Variants in MYRIP observed in about 807,000 individuals in gnomAD.
MYRIP encodes myosin VIIA and Rab interacting protein, also known as rab effector MyRIP.
In MYRIP, 49 loss-of-function variants were observed where a neutral mutation model predicts 98.0. The observed-to-expected ratio is 0.50, with a 90% CI of 0.40 to 0.63. The LOEUF is 0.63. MYRIP is among the 30% of genes least tolerant of loss of function. The probability of loss-of-function intolerance (pLI) is 0.00; values close to 1 mark genes in which losing one functional copy is unlikely to be tolerated. For synonymous variants in MYRIP, 404 were observed against 409.5 expected (o/e 0.99, Z 0.16); for missense variants, 1,004 against 1,058.2 (o/e 0.95, Z 0.71).
intron 3 of MYRIP, chr3:40,071,325 T>G: frequency 2.5e-6 from 1 of 401,132 alleles, no homozygotes; most frequent in Non-Finnish European, 3.4e-6. Context: ...TGGTTGGTGG[T>G]TGGGACGGAT....
chr3:39,850,869 A>C (rs1406555011), intron 1 of MYRIP, among the ~76,000 whole-genome samples: 2 of 152,340 alleles, frequency 1.3e-5, no homozygotes, highest in Admixed American at 1.3e-4. Flanking sequence ...ACTGAAAGGG[A>C]AATTCTCAGT....
At chr3:40,175,720 C>T (rs943552846) in intron 8 of MYRIP, among the ~76,000 whole-genome samples, 2 of 152,270 alleles carry the variant, frequency 1.3e-5, no homozygotes, top group Non-Finnish European at 2.9e-5. Flanking sequence ...GGCTAAGCCA[C>T]TCCTTTACCT....
chr3:40,227,830 C>T (rs1241019939), intron 11 of MYRIP, among the ~76,000 whole-genome samples: 1 of 152,166 alleles, frequency 6.6e-6, no homozygotes, highest in African/African-American at 2.4e-5. Context: ...GGGTGGACAC[C>T]TGACACATGC....
At chr3:40,061,753 T>C (rs1948021367) in intron 3 of MYRIP, among the ~76,000 whole-genome samples, 1 of 152,080 alleles carries the variant, frequency 6.6e-6, no homozygotes, top group Admixed American at 6.6e-5. Flanking sequence ...TCTGTTGGGT[T>C]GTTTTTTGTT....
chr3:40,236,361 T>A (rs1952824453), intron 12 of MYRIP, among the ~76,000 whole-genome samples: 1 of 152,216 alleles, frequency 6.6e-6, no homozygotes, highest in Admixed American at 6.5e-5. Flanking sequence ...GACTTTGTAA[T>A]TTCCCCCTTC....
chr3:39,906,002 G>T (rs573620697), intron 2 of MYRIP, among the ~76,000 whole-genome samples: 1 of 152,050 alleles, frequency 6.6e-6, no homozygotes, highest in Non-Finnish European at 1.5e-5. Flanking sequence ...CCTGGGGAGC[G>T]TGCAGAGGTG....
intron 3 of MYRIP, among the ~76,000 whole-genome samples, chr3:40,062,083 G>A (rs1948029945): frequency 6.6e-6 from 1 of 152,168 alleles, no homozygotes; most frequent in South Asian, 2.1e-4. Flanking sequence ...TTGCTGTGCA[G>A]AAGCTCTTAA....
At chr3:39,999,986 T>C in intron 2 of MYRIP, among the ~76,000 whole-genome samples, 1 of 127,852 alleles carries the variant, frequency 7.8e-6, no homozygotes, top group East Asian at 2.4e-4. Flanking sequence ...TGAGAACACA[T>C]GGACACAGGA....
chr3:40,157,864 C>T (rs7646186), intron 4 of MYRIP, among the ~76,000 whole-genome samples: 4,813 of 151,328 alleles, frequency 0.032, 164 homozygotes, highest in East Asian at 0.21. Context: ...TTTTTTATTG[C>T]GTCTATTTGA....
Position 40,172,260 on chromosome 3 carries a change from G to A in MYRIP, c.873+2167G>A, listed in dbSNP as rs57180892. On this transcript the variant is annotated intron_variant, in intron 8 of 16. Coordinates refer to ENST00000302541, the MANE Select transcript of MYRIP (RefSeq NM_015460.4). ...ATATATTTCAGTAATTGGCATCAAG[G>A]GGATAGAGGGGAGGGAGTGCTGGGG... Among the ~76,000 whole-genome samples the A allele has an allele frequency of 1.0e-2, 1,521 of 152,266 alleles. 28 individuals are homozygous for A. Among genetic ancestry groups the A allele is most frequent in the African/African-American group, 0.034 (1,393 of 41,532 alleles).
chr3:40,136,422 C>A (rs1054934769), intron 3 of MYRIP, among the ~76,000 whole-genome samples: 2 of 152,194 alleles, frequency 1.3e-5, no homozygotes, highest in Admixed American at 6.5e-5. Context: ...TAGACTCCCA[C>A]ACAATAATAA....
intron 1 of MYRIP, among the ~76,000 whole-genome samples, chr3:39,823,848 T>C (rs1365928889): frequency 6.6e-6 from 1 of 152,172 alleles, no homozygotes; most frequent in Non-Finnish European, 1.5e-5. Flanking sequence ...TTGGAGAAGC[T>C]TTTTAGTTTG....
chr3:40,033,111 T>C (rs1204144785), intron 2 of MYRIP, among the ~76,000 whole-genome samples: 1 of 150,010 alleles, frequency 6.7e-6, no homozygotes, highest in African/African-American at 2.4e-5. Context: ...ACAGCCAATA[T>C]CATACTGAAT....
At chr3:40,001,758 A>G (rs1946523595) in intron 2 of MYRIP, among the ~76,000 whole-genome samples, 1 of 152,182 alleles carries the variant, frequency 6.6e-6, no homozygotes, top group African/African-American at 2.4e-5. Context: ...CAGGCAGCAA[A>G]ACTAGAATGG....
At chr3:40,032,460 T>G (rs1481888803) in intron 2 of MYRIP, among the ~76,000 whole-genome samples, 8 of 152,144 alleles carry the variant, frequency 5.3e-5, no homozygotes, top group Non-Finnish European at 1.0e-4. Flanking sequence ...GTGGTCAATT[T>G]TTGAATAGGT....
At chr3:40,167,512 C>G (rs1950523999) in intron 7 of MYRIP, among the ~76,000 whole-genome samples, 1 of 152,236 alleles carries the variant, frequency 6.6e-6, no homozygotes, top group Non-Finnish European at 1.5e-5. Context: ...CACCCCAAAA[C>G]TCTGTGGCTT....
chr3:39,935,053 G>A (rs1484534470), intron 2 of MYRIP, among the ~76,000 whole-genome samples: 2 of 152,168 alleles, frequency 1.3e-5, no homozygotes, highest in Non-Finnish European at 2.9e-5. Flanking sequence ...ACTCATGTAA[G>A]AGTCCTGGGG....
rs184240116 is a variant in MYRIP, at chr3:40,129,909, T to C, written c.333-21139T>C. Among the ~76,000 whole-genome samples the C allele has an allele frequency of 9.3e-4, 141 of 152,356 alleles. 1 individual carries two copies. Among genetic ancestry groups the C allele is most frequent in the African/African-American group, 3.3e-3 (136 of 41,574 alleles). ...TATGTGATTCCGATCTGTCTTCTAA[T>C]GAGAATACACATGTTTACAAATTTA... On this transcript the variant is annotated intron_variant, in intron 3 of 16. Coordinates refer to ENST00000302541, the MANE Select transcript of MYRIP (RefSeq NM_015460.4).
At chr3:39,951,165 A>G (rs1425215956) in intron 2 of MYRIP, among the ~76,000 whole-genome samples, 4 of 152,132 alleles carry the variant, frequency 2.6e-5, no homozygotes, top group Non-Finnish European at 4.4e-5. Flanking sequence ...TTTACTCACT[A>G]ATTTTCAAAC....
Sources: allele counts gnomAD v4.1 joint callset (sites outside exome capture counted in the v4.1 genomes callset), GRCh38; gene constraint gnomAD v4.1.1; transcripts MANE v1.5; gene names NCBI Gene and HGNC (gene_info 2026-07-23, HGNC 2026-07-21).